The following CAST variants were observed in gnomAD, a reference collection of about 807,000 sequenced individuals.
CAST encodes calpastatin.
CAST carries 76 observed loss-of-function variants against 119.6 expected under a neutral mutation model. The observed-to-expected ratio is 0.64, with a 90% CI of 0.53 to 0.77. The LOEUF (loss-of-function observed/expected upper bound fraction) is 0.77, where lower values mean the gene tolerates loss of function less well. CAST is among the 30% of genes least tolerant of loss of function. The probability of loss-of-function intolerance (pLI) is 0.00; values close to 1 mark genes in which losing one functional copy is unlikely to be tolerated. For synonymous variants in CAST, 319 were observed against 331.6 expected, an observed-to-expected ratio of 0.96 and a Z score of 0.41; for missense variants, 953 against 946.5, an observed-to-expected ratio of 1.01 and a Z score of -0.09.
At chr5:96,170,133 A>G in the CAST span, among the ~76,000 whole-genome samples, 271 of 152,312 alleles carry the variant, frequency 1.8e-3, no homozygotes, top group African/African-American at 6.1e-3. Flanking sequence ...CTTCCGAGGC[A>G]ATCGGGCAGC....
chr5:96,201,459 G>T, the CAST span, among the ~76,000 whole-genome samples: 1 of 151,998 alleles, frequency 6.6e-6, no homozygotes, highest in African/African-American at 2.4e-5. Context: ...ATCAATGCAC[G>T]AGCCACACAG....
At chr5:96,324,798 T>C in the CAST span, among the ~76,000 whole-genome samples, 1 of 152,176 alleles carries the variant, frequency 6.6e-6, no homozygotes, top group Non-Finnish European at 1.5e-5. Flanking sequence ...ACTATAACCC[T>C]TACCTTTTTC....
At chr5:96,172,091 G>T in the CAST span, among the ~76,000 whole-genome samples, 31 of 152,344 alleles carry the variant, frequency 2.0e-4, no homozygotes, top group African/African-American at 7.5e-4. Flanking sequence ...GGGAGATGGG[G>T]TGGGGCTGTT....
chr5:96,098,595 C>T, the CAST span, among the ~76,000 whole-genome samples: 2 of 152,132 alleles, frequency 1.3e-5, no homozygotes, highest in African/African-American at 4.8e-5. Context: ...TTCACCATTG[C>T]TTGTTTCTGT....
chr5:96,452,005 G>T, the CAST span, among the ~76,000 whole-genome samples: 1 of 152,328 alleles, frequency 6.6e-6, no homozygotes, highest in South Asian at 2.1e-4. Flanking sequence ...ATGCTGGAGA[G>T]GATGTGGAGA....
At chr5:96,705,078 A>T (rs537866813) in intron 3 of CAST, among the ~76,000 whole-genome samples, 1 of 152,278 alleles carries the variant, frequency 6.6e-6, no homozygotes, top group African/African-American at 2.4e-5. Context: ...TCAGCACTTT[A>T]GAAGGCCAAG....
the CAST span, chr5:96,111,032 G>A: frequency 6.6e-6 from 1 of 152,088 alleles, no homozygotes; most frequent in Non-Finnish European, 1.5e-5. Context: ...CAGGTTAAGG[G>A]TTCAGTCCCA....
chr5:96,649,886 T>TA (rs1748070965), intron 1 of CAST, among the ~76,000 whole-genome samples: 1 of 152,248 alleles, frequency 6.6e-6, no homozygotes, highest in Admixed American at 6.5e-5. Context: ...GGTAATACTG[T>TA]AATGACGGTA....
intron 1 of CAST, among the ~76,000 whole-genome samples, chr5:96,641,487 C>T (rs1030910766): frequency 6.6e-6 from 1 of 152,084 alleles, no homozygotes; most frequent in African/African-American, 2.4e-5. Flanking sequence ...CTTTGCTGGG[C>T]CAACAACTAA....
At chr5:96,240,938 A>G in the CAST span, among the ~76,000 whole-genome samples, 29,307 of 151,976 alleles carry the variant, frequency 0.19, 3,611 homozygotes, top group Non-Finnish European at 0.26. Flanking sequence ...ATTGAATACT[A>G]TACAGCTACA....
intron 1 of CAST, among the ~76,000 whole-genome samples, chr5:96,555,191 G>A (rs759789732): frequency 2.0e-5 from 3 of 152,186 alleles, no homozygotes; most frequent in Non-Finnish European, 4.4e-5. Flanking sequence ...AGAAAATGTA[G>A]CACATATACA....
At chr5:96,168,188 A>G in the CAST span, among the ~76,000 whole-genome samples, 1 of 152,198 alleles carries the variant, frequency 6.6e-6, no homozygotes, top group South Asian at 2.1e-4. Flanking sequence ...GAGAAGGAGA[A>G]AAACTGCCAT....
chr5:96,081,251 G>T, the CAST span, among the ~76,000 whole-genome samples: 1 of 152,160 alleles, frequency 6.6e-6, no homozygotes. Context: ...TTGCCAAGAG[G>T]TATGTGAAAT....
At chr5:96,499,038 A>AG in the CAST span, among the ~76,000 whole-genome samples, 1 of 151,870 alleles carries the variant, frequency 6.6e-6, no homozygotes, top group African/African-American at 2.4e-5. Context: ...GGAAAAAAAA[A>AG]AAAAAAGAAA....
intron 1 of CAST, among the ~76,000 whole-genome samples, chr5:96,627,945 A>G (rs1747755676): frequency 6.6e-6 from 1 of 152,248 alleles, no homozygotes; most frequent in Non-Finnish European, 1.5e-5. Flanking sequence ...AAGTGAAGGC[A>G]GAATATTTGT....
the CAST span, among the ~76,000 whole-genome samples, chr5:96,158,798 T>C: frequency 6.6e-6 from 1 of 152,224 alleles, no homozygotes; most frequent in Admixed American, 6.5e-5. Flanking sequence ...GTGTATTTCA[T>C]GAAAATGATT....
chr5:96,086,053 A>G, the CAST span, among the ~76,000 whole-genome samples: 2 of 152,210 alleles, frequency 1.3e-5, no homozygotes, highest in African/African-American at 4.8e-5. Context: ...ACAGCATAGT[A>G]TTTATATATG....
the CAST span, among the ~76,000 whole-genome samples, chr5:96,035,970 A>G: frequency 4.6e-5 from 7 of 152,162 alleles, no homozygotes; most frequent in South Asian, 1.2e-3. Context: ...GCATTTGAAA[A>G]TATTACTCTA....
At chr5:95,973,687 G>A in the CAST span, among the ~76,000 whole-genome samples, 3 of 152,052 alleles carry the variant, frequency 2.0e-5, no homozygotes, top group African/African-American at 7.2e-5. Context: ...ATTGATCTAC[G>A]TGTCTCTGCT....
Sources: gnomAD v4.1 joint callset for allele counts (sites outside exome capture counted in the v4.1 genomes callset) on GRCh38, gnomAD v4.1.1 for gene constraint, MANE v1.5 for transcripts, NCBI Gene and HGNC (gene_info 2026-07-23, HGNC 2026-07-21) for gene names.